The following EP400 variants were observed in gnomAD, a reference collection of about 807,000 sequenced individuals.
EP400 encodes the protein E1A binding protein p400.
Under a neutral mutation model 354.1 loss-of-function variants are expected in EP400, and 105 were observed. The ratio of observed to expected loss-of-function variants is 0.30; its 90% CI spans 0.25 to 0.35. The LOEUF is 0.35. EP400 is among the 10% of genes least tolerant of loss of function. The pLI is 1.00. For missense variants in EP400, 3,280 were observed against 4,121.0 expected, an observed-to-expected ratio of 0.80 and a Z score of 5.59; for synonymous variants, 1,646 against 1,716.9, an observed-to-expected ratio of 0.96 and a Z score of 1.02.
chr12:132,019,971 C>T lies in EP400; in HGVS notation c.4278-78C>T, dbSNP rs1224573247. 4.2e-6 allele frequency: 6 copies of T among 1,417,184 alleles called. No homozygotes were observed. The East Asian group carries it at 1.3e-4, about 32-fold the overall frequency. 87.8% of individuals were successfully genotyped at this position (1,417,184 alleles called of 1,614,324 possible). On this transcript the variant is annotated intron_variant, in intron 21 of 52. Transcript: ENST00000389561. ...CTGGCTTCCTATGGGCAGCGGTGAA[C>T]CCCGGCTCCATGAGGTGGCCTGTCC...
chr12:132,076,161 A>G (rs1896231858), intron 51 of EP400: 1 of 383,722 alleles, frequency 2.6e-6, no homozygotes, highest in African/African-American at 2.1e-5. Flanking sequence ...GGCCTGTCAT[A>G]TGCAGAGCCC....
In EP400 at chr12:132,077,774, C is replaced by A; in HGVS notation, c.*101C>A. 7.5e-7 allele frequency: 1 copy of A among 1,337,256 alleles called. No individual in the cohort carries two copies. Among genetic ancestry groups the A allele is most frequent in the Non-Finnish European group, 1.0e-6 (1 of 1,002,154 alleles). 82.8% of individuals were successfully genotyped at this position (1,337,256 alleles called of 1,614,324 possible). A position where few individuals can be genotyped will look rare whatever the true frequency, so the allele number is the denominator to read the frequency against. On this transcript the variant is annotated 3_prime_UTR_variant, in exon 53 of 53. Coordinates refer to ENST00000389561, the MANE Select transcript of EP400 (RefSeq NM_015409.5). Reference sequence around the variant, plus strand: ...GGACCATGTCACGCAAGAGATTCAGCACTGGGAAAGATATAATTGAAACAA... The same window carrying A: ...GGACCATGTCACGCAAGAGATTCAGAACTGGGAAAGATATAATTGAAACAA...
chr12:132,021,086 A>T lies in EP400; in HGVS notation c.4455A>T (p.Ala1485=). The change falls in exon 23 of 53, where the codon GCA becomes GCT. Residue 1485 remains alanine, a synonymous_variant. Coordinates refer to ENST00000389561, the MANE Select transcript of EP400 (RefSeq NM_015409.5). ...FSANPEAKAA[A]APFQTSQASA... is the part of the protein sequence containing the mutation. ...AAACCTTATCGATTGCAGCAGCAGC[A>T]GCCCCGTTTCAGACCTCTCAGGCTT... 1 of 1,596,388 alleles carries T rather than the reference A, an allele frequency of 6.3e-7. No homozygotes were observed. The highest frequency in any genetic ancestry group is 8.5e-7 in the Non-Finnish European group (1 of 1,177,570).
rs537464773 is a variant in EP400 at position 132,027,860 on chromosome 12, C to T, written c.5110-157C>T. 2.0e-5 allele frequency among the ~76,000 whole-genome samples: 3 copies of T among 152,222 alleles called. No individual in the cohort carries two copies. The highest frequency in any genetic ancestry group is 2.1e-4 in the South Asian group (1 of 4,822). ...TTCCATCTCTATTTCCTGTAGCTCTCGGCTTCATTTCTATCTCTATTTCCT... is the reference window on the plus strand; with the variant it reads ...TTCCATCTCTATTTCCTGTAGCTCTTGGCTTCATTTCTATCTCTATTTCCT... On this transcript the variant is annotated intron_variant, in intron 26 of 52. Transcript: ENST00000389561. The surrounding 1 kb of genome is among the most constrained non-coding windows in gnomAD (Gnocchi z 4.9).
intron 4 of EP400, among the ~76,000 whole-genome samples, 193 bp downstream of exon 4, chr12:131,981,789 T>G (rs1892690060): frequency 6.6e-6 from 1 of 152,224 alleles, no homozygotes; most frequent in African/African-American, 2.4e-5. Context: ...CTTGCCACAC[T>G]AATGGGAGCC....
rs1471417884 is a variant in EP400 at position 132,064,766 on chromosome 12, G to A, written c.8433G>A (p.Val2811=). 1.2e-6 allele frequency: 2 copies of A among 1,613,460 alleles called. No individual in the cohort carries two copies. Among genetic ancestry groups the A allele is most frequent in the Non-Finnish European group, 1.7e-6 (2 of 1,179,942 alleles). The stretch of plus-strand genomic sequence containing the variant: ...CGCCCCCGCAGCCAACAGCCCAAGT[G>A]CAAGTGCAGACCTCGCAGCCGCCGC... ...QSAPPQPTAQ[V]QVQTSQPPQQ... Residue 2811 remains valine, a synonymous_variant, in exon 48 of 53, where the codon GTG becomes GTA. Coordinates refer to ENST00000389561, the MANE Select transcript of EP400 (RefSeq NM_015409.5).
rs755700548 is a variant in EP400 at position 131,986,692 on chromosome 12, C to T, written c.2108C>T (p.Thr703Ile). 3.1e-6 allele frequency: 5 copies of T among 1,614,248 alleles called. No individual in the cohort carries two copies. The highest frequency in any genetic ancestry group is 1.1e-5 in the South Asian group (1 of 91,088). Residue 703 changes from threonine to isoleucine, a missense_variant, in exon 6 of 53, where the codon ACT becomes ATT. By Grantham distance (89) the Thr-to-Ile change is moderately conservative. Around this residue, in one of 20 missense-constraint regions of EP400, gnomAD observed 800 missense variants for 840.0 expected, o/e 0.95. Transcript: ENST00000389561. ...SATNKALSPV[T>I]SRTPGVVASA... ...ACCAATAAGGCACTATCTCCAGTCA[C>T]TTCCCGGACCCCAGGGGTGGTGGCA...
intron 4 of EP400, 66 bp from the exon 5 acceptor site, chr12:131,982,027 G>A: frequency 6.7e-7 from 1 of 1,494,242 alleles, no homozygotes; most frequent in Admixed American, 2.3e-5. Context: ...GTGTCTCCTT[G>A]TGACTCATTG....
intron 51 of EP400, among the ~76,000 whole-genome samples, chr12:132,073,876 G>A (rs958501108): frequency 2.2e-5 from 3 of 139,116 alleles, no homozygotes; most frequent in African/African-American, 8.0e-5. Flanking sequence ...CTGAGAGACA[G>A]TTTTGCTTAG....
intron 30 of EP400, among the ~76,000 whole-genome samples, chr12:132,033,352 G>T (rs544250770): frequency 6.6e-6 from 1 of 152,208 alleles, no homozygotes; most frequent in Admixed American, 6.5e-5. Flanking sequence ...TACTGTTACA[G>T]TGTAATAGTA....
intron 31 of EP400, 38 bp downstream of exon 31, chr12:132,037,831 G>A (rs372805218): frequency 4.3e-6 from 7 of 1,611,012 alleles, no homozygotes; most frequent in Admixed American, 3.3e-5. Flanking sequence ...GGTGAGACCC[G>A]CCATGCGGCG....
At position 132,006,738 on chromosome 12, in the gene EP400, C is replaced by A; in HGVS notation, c.3165C>A (p.Leu1055=). The A allele has an allele frequency of 6.2e-7, 1 of 1,612,488 alleles. No homozygotes were observed. The highest frequency in any genetic ancestry group is 8.5e-7 in the Non-Finnish European group (1 of 1,179,568). Reference sequence around the variant, plus strand: ...CTCCATCTTTGTTGTATGGGGCTCTCAGAGATTATCAGAAGATTGGCCTGG... The same window carrying A: ...CTCCATCTTTGTTGTATGGGGCTCTAAGAGATTATCAGAAGATTGGCCTGG... The part of the protein sequence containing the change: ...FNAPSLLYGA[L]RDYQKIGLDW... The change falls in exon 15 of 53, where the codon CTC becomes CTA. Residue 1055 remains leucine (L), a synonymous_variant. Transcript: ENST00000389561.
intron 34 of EP400, 59 bp from the exon 35 acceptor site, chr12:132,044,118 C>T (rs1172178964): frequency 4.4e-6 from 7 of 1,594,410 alleles, no homozygotes; most frequent in Middle Eastern, 1.7e-4. Flanking sequence ...AGCAGGGACT[C>T]GGGGGCTGCT....
At chr12:131,958,572 G>T (rs559302737) in intron 1 of EP400, among the ~76,000 whole-genome samples, 236 of 152,212 alleles carry the variant, frequency 1.6e-3, no homozygotes, top group Non-Finnish European at 2.5e-3. Context: ...TTCTTTTTTT[G>T]GAGATGGAAT....
intron 15 of EP400, among the ~76,000 whole-genome samples, chr12:132,010,204 A>C (rs546390793): frequency 6.6e-6 from 1 of 150,698 alleles, no homozygotes; most frequent in East Asian, 2.0e-4. Flanking sequence ...CTCCTTCCTC[A>C]GCCTCCTGAG....
At position 132,027,419 on chromosome 12, in the gene EP400, TC is replaced by T. The variant is rs1894343141; in HGVS notation, c.5015-16del. The T allele has an allele frequency of 6.2e-7, 1 of 1,613,824 alleles. No individual in the cohort carries two copies. The highest frequency in any genetic ancestry group is 8.5e-7 in the Non-Finnish European group (1 of 1,179,880). On this transcript the variant is annotated splice_polypyrimidine_tract_variant and intron_variant, in intron 25 of 52. Coordinates refer to ENST00000389561, the MANE Select transcript of EP400 (RefSeq NM_015409.5). This position sits in a 1 kb window ranked among gnomAD's most constrained non-coding sequence, Gnocchi z 4.9. ...GAACTTGGCGTTCCTTTTCACCTCT[TC>T]CTTTATGCATTTGTAGTTGGCGTTC...
chr12:132,049,192 A>G (rs12318272), intron 39 of EP400, among the ~76,000 whole-genome samples: 21,063 of 152,204 alleles, frequency 0.14, 3,151 homozygotes, highest in African/African-American at 0.37. Context: ...CGGGGCATTC[A>G]TGCCTGGTTA....
rs567111013 is a variant in EP400 at position 132,045,414 on chromosome 12, A to C, written c.6880A>C (p.Arg2294=). The change falls in exon 38 of 53, where the codon AGA becomes CGA. Residue 2294 remains arginine (R), a synonymous_variant. Coordinates refer to ENST00000389561, the MANE Select transcript of EP400 (RefSeq NM_015409.5). ...AACACCAGGACTTCTGAAAATTCGC[A>C]GAGAGGGCAAGGAGCAGAAGAAGAA... ...RATPGLLKIR[R]EGKEQKKNIL... The C allele has an allele frequency of 8.1e-6, 13 of 1,614,250 alleles. No individual in the cohort carries two copies. In the East Asian group the frequency reaches 2.7e-4, roughly 33 times the overall value.
At chr12:132,048,182 C>A (rs1459086945) in intron 39 of EP400, among the ~76,000 whole-genome samples, 1 of 152,114 alleles carries the variant, frequency 6.6e-6, no homozygotes, top group African/African-American at 2.4e-5. Context: ...GACATACATC[C>A]CCCTCAGCTT....
Sources: allele counts gnomAD v4.1 joint callset (sites outside exome capture counted in the v4.1 genomes callset), GRCh38; gene constraint gnomAD v4.1.1; regional missense constraint gnomAD v4.1.1; non-coding constraint Gnocchi (gnomAD v3.1); transcripts MANE v1.5; gene names NCBI Gene and HGNC (gene_info 2026-07-23, HGNC 2026-07-21).